OR10D3: variants seen among roughly 807,000 people sequenced by gnomAD.
OR10D3 encodes olfactory receptor 10D3.
For missense variants in OR10D3, 286 were observed against 153.7 expected, an observed-to-expected ratio of 1.86 and a Z score of -4.55; for synonymous variants, 100 against 57.6, an observed-to-expected ratio of 1.74 and a Z score of -3.33.
At chr11:124,186,425 C>G (rs897476605) in exon 2 of OR10D3, 6 of 361,260 alleles carry the variant, frequency 1.7e-5, no homozygotes, top group Non-Finnish European at 3.0e-5. Context: ...GTCATATAGT[C>G]TTGTTTATTG....
At chr11:124,185,171 G>A (rs1272643758) in intron 1 of OR10D3, 88 bp from the exon 2 acceptor site, 4 of 604,000 alleles carry the variant, frequency 6.6e-6, no homozygotes, top group Non-Finnish European at 1.2e-5. Flanking sequence ...TCACTTAATT[G>A]ACAAGTTTTA....
chr11:124,187,814 G>T (rs1356325399), exon 2 of OR10D3: 2 of 152,110 alleles, frequency 1.3e-5, no homozygotes, highest in Non-Finnish European at 2.9e-5. Flanking sequence ...CTGATTATTT[G>T]TCAGATATTA....
At chr11:124,183,874 G>A (rs1366434691) in intron 1 of OR10D3, among the ~76,000 whole-genome samples, 1 of 152,118 alleles carries the variant, frequency 6.6e-6, no homozygotes. Flanking sequence ...AGCCCATTGT[G>A]CTGGCCCATC....
exon 2 of OR10D3, chr11:124,185,936 A>C: frequency 1.4e-6 from 1 of 703,196 alleles, no homozygotes; most frequent in Non-Finnish European, 2.6e-6. Context: ...TAGAATCACA[A>C]TATCTATCTT....
chr11:124,185,957 A>G (rs1287463008), exon 2 of OR10D3: 1 of 703,332 alleles, frequency 1.4e-6, no homozygotes, highest in Non-Finnish European at 2.6e-6. Context: ...AAGCATTCGT[A>G]CAACTGAGGG....
exon 2 of OR10D3, chr11:124,185,312 T>C: frequency 1.4e-6 from 1 of 703,466 alleles, no homozygotes; most frequent in Non-Finnish European, 2.6e-6. Context: ...GTTCATCCTT[T>C]TGGGAATCCC....
chr11:124,186,469 T>G, exon 2 of OR10D3: 1 of 258,492 alleles, frequency 3.9e-6, no homozygotes, highest in Non-Finnish European at 7.2e-6. Flanking sequence ...GAATTGCCTG[T>G]CCCTGGAAGG....
intron 1 of OR10D3, 75 bp downstream of exon 1, chr11:124,183,458 C>T (rs557471825): frequency 1.4e-5 from 2 of 147,020 alleles, no homozygotes; most frequent in Admixed American, 6.6e-5. Context: ...CTCTTTCTCT[C>T]TCTTTCTCTT....
exon 2 of OR10D3, chr11:124,186,262 GA>G: frequency 1.6e-6 from 1 of 627,804 alleles, no homozygotes; most frequent in South Asian, 1.9e-5. Context: ...TTTGACCTAA[GA>G]AATTTCATTC....
exon 2 of OR10D3, chr11:124,185,371 C>G (rs1258168308): frequency 5.7e-6 from 4 of 703,228 alleles, no homozygotes; most frequent in Non-Finnish European, 1.0e-5. Context: ...TCTTGCCCTT[C>G]TATGCCTGCA....
intron 1 of OR10D3, among the ~76,000 whole-genome samples, chr11:124,184,503 A>G (rs1468704062): frequency 6.6e-6 from 1 of 152,174 alleles, no homozygotes; most frequent in Non-Finnish European, 1.5e-5. Flanking sequence ...AATGAAAAAC[A>G]TGGTTAATAC....
At chr11:124,186,354 AT>A (rs1861226170) in exon 2 of OR10D3, 1 of 519,000 alleles carries the variant, frequency 1.9e-6, no homozygotes, top group East Asian at 3.0e-5. Flanking sequence ...TATATAATAC[AT>A]TATCTTTTTG....
chr11:124,186,087 A>T, exon 2 of OR10D3: 1 of 703,278 alleles, frequency 1.4e-6, no homozygotes, highest in South Asian at 1.5e-5. Context: ...ACCGTGGTAC[A>T]AATTCTCATG....
At chr11:124,185,411 G>T (rs1329568144) in exon 2 of OR10D3, 1 of 703,004 alleles carries the variant, frequency 1.4e-6, no homozygotes, top group Non-Finnish European at 2.6e-6. Context: ...TATCCTTGTT[G>T]CTGTTATGTC....
chr11:124,187,692 C>G (rs1861240861), exon 2 of OR10D3: 1 of 152,194 alleles, frequency 6.6e-6, no homozygotes. Flanking sequence ...CCAGAATTCT[C>G]TGTATCCTTG....
chr11:124,188,198 G>C lies in OR10D3; in HGVS notation c.*1990G>C, dbSNP rs753388589. On this transcript the variant is annotated 3_prime_UTR_variant, in exon 2 of 2. Transcript: ENST00000641351. Reference sequence around the variant, plus strand: ...TGCAGCAGAGGCCAGGGTGAGAAACGATTAGGCATACGAAGAGGGACACAG... The same window carrying C: ...TGCAGCAGAGGCCAGGGTGAGAAACCATTAGGCATACGAAGAGGGACACAG... 17 of 152,320 alleles carry C rather than the reference G, an allele frequency of 1.1e-4. 1 individual carries two copies. The highest frequency in any genetic ancestry group is 3.4e-3 in the Middle Eastern group (1 of 296). 9.4% of individuals were successfully genotyped at this position (152,320 alleles called of 1,614,324 possible).
At chr11:124,185,220 G>A in intron 1 of OR10D3, 39 bp from the exon 2 acceptor site, 1 of 656,118 alleles carries the variant, frequency 1.5e-6, no homozygotes, top group Non-Finnish European at 2.8e-6. Flanking sequence ...GCAAGCCAAG[G>A]CATTCTTCCA....
intron 1 of OR10D3, among the ~76,000 whole-genome samples, chr11:124,183,905 G>A (rs1281481931): frequency 6.6e-6 from 1 of 152,038 alleles, no homozygotes; most frequent in African/African-American, 2.4e-5. Flanking sequence ...CCCCATTCTT[G>A]TTATTTCACT....
At chr11:124,188,270 A>G (rs1861247064) in exon 2 of OR10D3, 1 of 152,308 alleles carries the variant, frequency 6.6e-6, no homozygotes, top group African/African-American at 2.4e-5. Flanking sequence ...CAGAAGTGCC[A>G]CATCTTCATG....
Sources: gnomAD v4.1 joint callset for allele counts (sites outside exome capture counted in the v4.1 genomes callset) on GRCh38, gnomAD v4.1.1 for gene constraint, MANE v1.5 for transcripts, NCBI Gene and HGNC (gene_info 2026-07-23, HGNC 2026-07-21) for gene names.